Variants in YWHAZ observed in about 807,000 individuals in gnomAD.
The protein encoded by YWHAZ is 14-3-3 protein zeta/delta.
For missense variants in YWHAZ, 79 were observed against 284.8 expected, an observed-to-expected ratio of 0.28 and a Z score of 5.20; for synonymous variants, 87 against 103.6, an observed-to-expected ratio of 0.84 and a Z score of 0.97.
chr8:100,918,444 A>G lies in YWHAZ; in HGVS notation c.*2249T>C, dbSNP rs185176477. On this transcript the variant is annotated 3_prime_UTR_variant, in exon 6 of 6. Transcript: ENST00000395958. ...TATATATATATATATATATATATAT[A>G]ATTATTTTACCTCCTTGGCTTGGGG... is the stretch of plus-strand genomic sequence containing the variant. 0.011 allele frequency: 1,154 copies of G among 108,832 alleles called. 44 individuals carry two copies. The highest frequency in any genetic ancestry group is 0.037 in the African/African-American group (1,059 of 28,488). 6.7% of individuals were successfully genotyped at this position (108,832 alleles called of 1,614,324 possible). A position where few individuals can be genotyped will look rare whatever the true frequency, so the allele number is the denominator to read the frequency against.
intron 2 of YWHAZ, among the ~76,000 whole-genome samples, chr8:100,936,537 C>T (rs758287095): frequency 1.3e-5 from 2 of 152,106 alleles, no homozygotes; most frequent in Admixed American, 6.6e-5. Flanking sequence ...CCAGACAGGC[C>T]GGGCACGGTG....
Position 100,919,949 on chromosome 8 carries a change from A to G in YWHAZ, c.*744T>C, listed in dbSNP as rs568595016. 3.9e-5 allele frequency: 6 copies of G among 152,136 alleles called. No individual in the cohort carries two copies. The East Asian group carries it at 1.2e-3, about 29-fold the overall frequency. The allele number at this position is 152,136 out of a possible 1,614,324, so 9.4% of individuals were successfully genotyped here. ...TTTTTGTTTTACTGCTGTGCTTGAT[A>G]TACATGAAGTAATGAATACCAAGCA... On this transcript the variant is annotated 3_prime_UTR_variant, in exon 6 of 6. Transcript: ENST00000395958.
At chr8:100,938,171 C>A (rs951116659) in intron 2 of YWHAZ, among the ~76,000 whole-genome samples, 10 of 152,088 alleles carry the variant, frequency 6.6e-5, no homozygotes, top group African/African-American at 2.2e-4. Context: ...AAAATTAAAG[C>A]CACTTATTTT....
At chr8:100,938,433 C>T (rs1814354599) in intron 2 of YWHAZ, among the ~76,000 whole-genome samples, 1 of 152,180 alleles carries the variant, frequency 6.6e-6, no homozygotes, top group Non-Finnish European at 1.5e-5. Flanking sequence ...TATACTTAAA[C>T]ATATTTCTAC....
intron 2 of YWHAZ, among the ~76,000 whole-genome samples, chr8:100,932,345 T>C (rs929603304): frequency 3.9e-5 from 6 of 152,158 alleles, no homozygotes; most frequent in South Asian, 4.1e-4. Context: ...CTCCCTCTTA[T>C]GTGAAATAAT....
chr8:100,952,191 C>T, upstream of YWHAZ: 1 of 982,596 alleles, frequency 1.0e-6, no homozygotes, highest in Non-Finnish European at 1.2e-6. Flanking sequence ...CGCTCCCCGG[C>T]GCTCGTCCTG....
In YWHAZ at chr8:100,918,140, C is replaced by T. The variant is rs1484266475; in HGVS notation, c.*2553G>A. 2 of 151,594 alleles carry T rather than the reference C, an allele frequency of 1.3e-5. No homozygotes were observed. The highest frequency in any genetic ancestry group is 2.9e-5 in the Non-Finnish European group (2 of 67,942). 9.4% of individuals were successfully genotyped at this position (151,594 alleles called of 1,614,324 possible). A position where few individuals can be genotyped will look rare whatever the true frequency, so the allele number is the denominator to read the frequency against. ...GGCGGATTGCCTGAGGTCGGGAATT[C>T]AAGACCAGCCTGGACAACATGGTGA... On this transcript the variant is annotated 3_prime_UTR_variant, in exon 6 of 6. Coordinates refer to ENST00000395958, the MANE Select transcript of YWHAZ (RefSeq NM_145690.3).
Position 100,919,423 on chromosome 8 carries a change from T to A in YWHAZ, c.*1270A>T, listed in dbSNP as rs1320102636. ...TGCCAAAATTTTAAATGGAACACAC[T>A]ACATTTTTTTCTAATCAATCCCCCC... On this transcript the variant is annotated 3_prime_UTR_variant, in exon 6 of 6. Coordinates refer to ENST00000395958, the MANE Select transcript of YWHAZ (RefSeq NM_145690.3). 6.6e-6 allele frequency: 1 copy of A among 152,580 alleles called. No homozygotes were observed. The highest frequency in any genetic ancestry group is 1.5e-5 in the Non-Finnish European group (1 of 68,034). The allele number at this position is 152,580 out of a possible 1,614,324, so 9.5% of individuals were successfully genotyped here. A position where few individuals can be genotyped will look rare whatever the true frequency, so the allele number is the denominator to read the frequency against.
rs765058206 is a variant in YWHAZ at position 100,948,995 on chromosome 8, A to C, written c.-11-95T>G. 132 of 1,356,046 alleles carry C rather than the reference A, an allele frequency of 9.7e-5. 1 individual carries two copies. The highest frequency in any genetic ancestry group is 1.3e-4 in the Non-Finnish European group (130 of 1,005,966). The allele number at this position is 1,356,046 out of a possible 1,614,324, so 84.0% of individuals were successfully genotyped here. ...TGGTAAATGAGTTTTTTAAACCTGAAACCTAACTGCCTGTGAAAGACTGTT... is the reference window on the plus strand; with the variant it reads ...TGGTAAATGAGTTTTTTAAACCTGACACCTAACTGCCTGTGAAAGACTGTT... On this transcript the variant is annotated intron_variant, in intron 1 of 5. Coordinates refer to ENST00000395958, the MANE Select transcript of YWHAZ (RefSeq NM_145690.3). The surrounding 1 kb of genome is among the most constrained non-coding windows in gnomAD (Gnocchi z 4.2).
chr8:100,939,044 T>C lies in YWHAZ; in HGVS notation c.294+9552A>G, dbSNP rs573101607. ...TTAATAGATGGCAAATCTGCACTTTTAATCAACAAGAAATCTGGCAAAGCA... is the reference window on the plus strand; with the variant it reads ...TTAATAGATGGCAAATCTGCACTTTCAATCAACAAGAAATCTGGCAAAGCA... On this transcript the variant is annotated intron_variant, in intron 2 of 5. Transcript: ENST00000395958. 3.3e-5 allele frequency among the ~76,000 whole-genome samples: 5 copies of C among 152,338 alleles called. No homozygotes were observed. The South Asian group carries it at 1.0e-3, about 32-fold the overall frequency.
At position 100,948,058 on chromosome 8, in the gene YWHAZ, G is replaced by T. The variant is rs976650154; in HGVS notation, c.294+538C>A. Reference sequence around the variant, plus strand: ...TTGTTCATAACCTTTCATCATGGTTGTGAGTGTTCAAAATTTACCTTCAAG... The same window carrying T: ...TTGTTCATAACCTTTCATCATGGTTTTGAGTGTTCAAAATTTACCTTCAAG... On this transcript the variant is annotated intron_variant, in intron 2 of 5. Coordinates refer to ENST00000395958, the MANE Select transcript of YWHAZ (RefSeq NM_145690.3). The surrounding 1 kb of genome is among the most constrained non-coding windows in gnomAD (Gnocchi z 4.2). 2.0e-6 allele frequency: 3 copies of T among 1,515,866 alleles called. No homozygotes were observed. Among genetic ancestry groups the T allele is most frequent in the African/African-American group, 1.4e-5 (1 of 72,480 alleles). 93.9% of individuals were successfully genotyped at this position (1,515,866 alleles called of 1,614,324 possible).
rs1810468106 is a variant in YWHAZ at position 100,948,444 on chromosome 8, AT to A, written c.294+151del. ...TACACGTATCTATAATTGTCTTAACATCTTTTTAGTCATGACACCATGAAGA... is the reference window on the plus strand; with the variant it reads ...TACACGTATCTATAATTGTCTTAACACTTTTTAGTCATGACACCATGAAGA... On this transcript the variant is annotated intron_variant, in intron 2 of 5. Coordinates refer to ENST00000395958, the MANE Select transcript of YWHAZ (RefSeq NM_145690.3). This position sits in a 1 kb window ranked among gnomAD's most constrained non-coding sequence, Gnocchi z 4.2. 2.3e-6 allele frequency: 2 copies of A among 853,138 alleles called. No homozygotes were observed. Among genetic ancestry groups the A allele is most frequent in the East Asian group, 4.9e-5 (2 of 40,826 alleles). The allele number at this position is 853,138 out of a possible 1,614,324, so 52.8% of individuals were successfully genotyped here. A position where few individuals can be genotyped will look rare whatever the true frequency, so the allele number is the denominator to read the frequency against.
At chr8:100,928,462 T>TGG (rs1417916735) in intron 2 of YWHAZ, among the ~76,000 whole-genome samples, 1 of 152,156 alleles carries the variant, frequency 6.6e-6, no homozygotes, top group African/African-American at 2.4e-5. Flanking sequence ...CCAGGTGTGG[T>TGG]GGTTCATGCC....
chr8:100,951,349 G>A (rs1350401725), intron 1 of YWHAZ: 5 of 984,382 alleles, frequency 5.1e-6, no homozygotes, highest in East Asian at 1.1e-4. Flanking sequence ...CCGCCTCCCG[G>A]GGTGGGGGAG....
upstream of YWHAZ, chr8:100,952,239 C>G (rs990223387): frequency 4.8e-6 from 4 of 831,446 alleles, no homozygotes; most frequent in African/African-American, 7.4e-5. Flanking sequence ...GCGCGCGCGT[C>G]CTCGCCCGCA....
chr8:100,947,850 G>A (rs1296182692), intron 2 of YWHAZ, among the ~76,000 whole-genome samples: 2 of 152,154 alleles, frequency 1.3e-5, no homozygotes, highest in East Asian at 1.9e-4. Context: ...AAAACTGCCA[G>A]CTTGGTTGGA....
intron 1 of YWHAZ, chr8:100,950,657 TGGGG>T (rs1554618210): frequency 4.2e-6 from 3 of 716,662 alleles, no homozygotes; most frequent in African/African-American, 2.5e-5. Flanking sequence ...GCCCAAGCCG[TGGGG>T]GGGGGGGAGA....
chr8:100,930,429 T>C (rs904780912), intron 2 of YWHAZ, among the ~76,000 whole-genome samples: 2 of 152,256 alleles, frequency 1.3e-5, no homozygotes, highest in African/African-American at 4.8e-5. Context: ...CTAGGTTGAC[T>C]GAAGGTTCAA....
rs186424393 is a variant in YWHAZ, at chr8:100,942,966, T to C, written c.294+5630A>G. ...ACAGTATCATTTTCCTATTTGGCAA[T>C]GTGCACTTTTCTGAGTATAATCCTG... On this transcript the variant is annotated intron_variant, in intron 2 of 5. Coordinates refer to ENST00000395958, the MANE Select transcript of YWHAZ (RefSeq NM_145690.3). 4.1e-3 allele frequency among the ~76,000 whole-genome samples: 617 copies of C among 152,332 alleles called. 10 individuals are homozygous for C. The highest frequency in any genetic ancestry group is 3.1e-3 in the Non-Finnish European group (209 of 68,032).
Sources: gnomAD v4.1 joint callset for allele counts (sites outside exome capture counted in the v4.1 genomes callset) on GRCh38, gnomAD v4.1.1 for gene constraint, Gnocchi (gnomAD v3.1) non-coding constraint, MANE v1.5 for transcripts, NCBI Gene and HGNC (gene_info 2026-07-23, HGNC 2026-07-21) for gene names.